UGGT1: variants seen among roughly 807,000 people sequenced by gnomAD.
UGGT1 encodes the protein UDP-glucose glycoprotein glucosyltransferase 1, also known as UDP-glucose:glycoprotein glucosyltransferase 1.
UGGT1 carries 107 observed loss-of-function variants against 203.9 expected under a neutral mutation model. That is an observed-to-expected ratio of 0.52 (90% confidence interval 0.45 to 0.62). The LOEUF (loss-of-function observed/expected upper bound fraction) is 0.62, where lower values mean the gene tolerates loss of function less well. Among genes scored for constraint, UGGT1 ranks in the 20% least tolerant of loss-of-function variants. The pLI, the probability that UGGT1 is intolerant of heterozygous loss-of-function variation, is 0.00. For missense variants in UGGT1, 1,673 were observed against 1,867.2 expected (o/e 0.90, Z 1.92); for synonymous variants, 628 against 653.5 (o/e 0.96, Z 0.59).
intron 16 of UGGT1, 143 bp from the exon 17 acceptor site, chr2:128,142,951 A>C (rs896851061): frequency 1.2e-6 from 1 of 848,640 alleles, no homozygotes; most frequent in Non-Finnish European, 1.7e-6. Context: ...TTGCACTCCA[A>C]CCTGGGTGAC....
chr2:128,112,769 A>G (rs1687929897), intron 5 of UGGT1, among the ~76,000 whole-genome samples: 1 of 151,434 alleles, frequency 6.6e-6, no homozygotes, highest in African/African-American at 2.4e-5. Flanking sequence ...TTTATTGTAG[A>G]GTCGAGGTTT....
At chr2:128,146,215 G>A (rs1476279430) in intron 18 of UGGT1, among the ~76,000 whole-genome samples, 1 of 152,064 alleles carries the variant, frequency 6.6e-6, no homozygotes, top group Non-Finnish European at 1.5e-5. Flanking sequence ...GGAAGCTTAG[G>A]TGGAAGGATC....
chr2:128,163,401 T>A (rs1690626134), intron 25 of UGGT1, among the ~76,000 whole-genome samples: 1 of 150,732 alleles, frequency 6.6e-6, no homozygotes, highest in African/African-American at 2.4e-5. Flanking sequence ...TCAGGTTTAG[T>A]TCAAGATCTT....
intron 8 of UGGT1, among the ~76,000 whole-genome samples, 195 bp downstream of exon 8, chr2:128,116,538 T>G (rs1688109925): frequency 6.6e-6 from 1 of 152,330 alleles, no homozygotes; most frequent in African/African-American, 2.4e-5. Flanking sequence ...TTATTCTTTT[T>G]TTTTTGGAGA....
rs535442280 is a variant in UGGT1 at position 128,123,977 on chromosome 2, G to A, written c.1134+731G>A. Among the ~76,000 whole-genome samples, 20 of 152,202 alleles carry A rather than the reference G, an allele frequency of 1.3e-4. No homozygotes were observed. In the East Asian group the frequency reaches 3.3e-3, roughly 25 times the overall value. On this transcript the variant is annotated intron_variant, in intron 11 of 40. Transcript: ENST00000259253. ...GTTTTTGTTTTGGAGATGGAGTTTT[G>A]CTCTGTCACCCAGGCTGGAGTGCAG...
At position 128,109,611 on chromosome 2, in the gene UGGT1, A is replaced by G. The variant is rs181130135; in HGVS notation, c.409-23A>G. The G allele has an allele frequency of 5.0e-4, 788 of 1,568,758 alleles. 4 individuals carry two copies. In the African/African-American group the frequency reaches 9.8e-3, roughly 19 times the overall value. ...GTCTTTGGTTAGAAATTTAAAAAGT[A>G]TGTGTTGTGTCTTATGTGACAGATA... On this transcript the variant is annotated intron_variant, in intron 4 of 40. Transcript: ENST00000259253.
chr2:128,112,343 C>T (rs1223190937), intron 5 of UGGT1, among the ~76,000 whole-genome samples: 1 of 147,536 alleles, frequency 6.8e-6, no homozygotes, highest in East Asian at 2.0e-4. Context: ...ATCACTTGAA[C>T]CCAGGAGGGA....
rs191277498 is a variant in UGGT1, at chr2:128,166,240, G to A, written c.2921+1415G>A. Among the ~76,000 whole-genome samples, 12 of 152,288 alleles carry A rather than the reference G, an allele frequency of 7.9e-5. No homozygotes were observed. The East Asian group carries it at 1.9e-3, about 24-fold the overall frequency. On this transcript the variant is annotated intron_variant, in intron 26 of 40. Transcript: ENST00000259253. Reference sequence around the variant, plus strand: ...ATCTGCACACGTGCATGTTGTGTGCGTGTGTCTGCATGTGTGTGTTTGTGT... The same window carrying A: ...ATCTGCACACGTGCATGTTGTGTGCATGTGTCTGCATGTGTGTGTTTGTGT...
intron 30 of UGGT1, 39 bp downstream of exon 30, chr2:128,173,978 C>T (rs567729877): frequency 1.0e-5 from 16 of 1,598,354 alleles, no homozygotes; most frequent in East Asian, 9.0e-5. Flanking sequence ...ATTGTAGTTA[C>T]GTTAATTTGG....
intron 1 of UGGT1, among the ~76,000 whole-genome samples, chr2:128,093,529 AG>A (rs1364031848): frequency 1.3e-5 from 2 of 152,200 alleles, no homozygotes; most frequent in African/African-American, 4.8e-5. Context: ...TCCCAGCTTC[AG>A]GCCTCCTCCC....
At chr2:128,118,531 T>C (rs907188631) in intron 8 of UGGT1, among the ~76,000 whole-genome samples, 3 of 152,082 alleles carry the variant, frequency 2.0e-5, no homozygotes, top group African/African-American at 7.2e-5. Context: ...TCCCAAAGTG[T>C]TAGAATTACA....
intron 5 of UGGT1, among the ~76,000 whole-genome samples, chr2:128,110,265 A>AC (rs1558757498): frequency 1.3e-5 from 2 of 152,124 alleles, no homozygotes; most frequent in Non-Finnish European, 2.9e-5. Context: ...CATTTTGCTG[A>AC]CTGGCTAGGG....
In UGGT1 at chr2:128,100,273, A is replaced by G. The variant is rs1002227136; in HGVS notation, c.194+2709A>G. Among the ~76,000 whole-genome samples, 6 of 152,156 alleles carry G rather than the reference A, an allele frequency of 3.9e-5. No homozygotes were observed. In the East Asian group the frequency reaches 7.7e-4, roughly 20 times the overall value. On this transcript the variant is annotated intron_variant, in intron 2 of 40. Transcript: ENST00000259253. ...CAGGCTGGTCTGAACTCCTGACCTC[A>G]GGTGATCTGCCCTCCTTGGCCTCCC...
intron 5 of UGGT1, 37 bp from the exon 6 acceptor site, chr2:128,113,047 A>T: frequency 2.1e-6 from 3 of 1,449,556 alleles, no homozygotes; most frequent in Non-Finnish European, 2.7e-6. Context: ...TTTCACAATT[A>T]TTTTTAAAGT....
chr2:128,186,237 T>A (rs1204745623), intron 38 of UGGT1, among the ~76,000 whole-genome samples: 1 of 152,248 alleles, frequency 6.6e-6, no homozygotes, highest in Non-Finnish European at 1.5e-5. Flanking sequence ...AAGGACCTTT[T>A]CCATTTTAAA....
intron 23 of UGGT1, 52 bp from the exon 24 acceptor site, chr2:128,160,408 T>C: frequency 6.5e-7 from 1 of 1,530,246 alleles, no homozygotes; most frequent in Non-Finnish European, 8.8e-7. Flanking sequence ...TATTTGTTTA[T>C]ATGGTTTGCT....
chr2:128,178,330 G>A, intron 33 of UGGT1, 138 bp from the exon 34 acceptor site: 2 of 722,740 alleles, frequency 2.8e-6, no homozygotes, highest in Non-Finnish European at 4.6e-6. Flanking sequence ...AGGGTGTGAG[G>A]GAAGCTTCAT....
At position 128,170,376 on chromosome 2, in the gene UGGT1, G is replaced by C. The variant is rs1320488595; in HGVS notation, c.3010G>C (p.Ala1004Pro). 2.5e-6 allele frequency: 4 copies of C among 1,613,998 alleles called. No individual in the cohort carries two copies. In the Admixed American group the frequency reaches 6.7e-5, roughly 27 times the overall value. Reference sequence around the variant, plus strand: ...TGTCACCAGAGAAGCACAGAGACTTGCTCCTTTGCTCTTGGTAGGAACGCT... The same window carrying C: ...TGTCACCAGAGAAGCACAGAGACTTCCTCCTTTGCTCTTGGTAGGAACGCT... ...DPVTREAQRL[A>P]PLLLVLAQLI... Residue 1004 changes from alanine to proline, a missense_variant, in exon 27 of 41, where the codon GCT (alanine) becomes CCT (proline). Transcript: ENST00000259253.
chr2:128,177,004 T>A, intron 32 of UGGT1, 106 bp downstream of exon 32: 2 of 1,111,750 alleles, frequency 1.8e-6, no homozygotes, highest in Non-Finnish European at 2.6e-6. Flanking sequence ...CTATGGCAAT[T>A]ATAGGGATAC....
Sources: gnomAD v4.1 joint callset for allele counts (sites outside exome capture counted in the v4.1 genomes callset) on GRCh38, gnomAD v4.1.1 for gene constraint, MANE v1.5 for transcripts, NCBI Gene and HGNC (gene_info 2026-07-23, HGNC 2026-07-21) for gene names.